Variants in PI15 observed in about 807,000 individuals in gnomAD.
PI15 encodes the protein 25 kDa trypsin inhibitor.
A neutral mutation model predicts 31.0 loss-of-function variants in PI15; 18 were observed. That is an observed-to-expected ratio of 0.58 (90% CI 0.40 to 0.86). The LOEUF is 0.86. Among genes scored for constraint, PI15 ranks in the 40% least tolerant of loss-of-function variants. The pLI is 0.00. For synonymous variants in PI15, 118 were observed against 119.1 expected, an observed-to-expected ratio of 0.99 and a Z score of 0.06; for missense variants, 282 against 328.1, an observed-to-expected ratio of 0.86 and a Z score of 1.09.
At chr8:74,834,856 G>A (rs919779139) in intron 2 of PI15, among the ~76,000 whole-genome samples, 2 of 152,114 alleles carry the variant, frequency 1.3e-5, no homozygotes, top group Non-Finnish European at 2.9e-5. Context: ...GGCAGAGTCA[G>A]TGGGCACATT....
chr8:74,851,103 GT>G lies in PI15; in HGVS notation c.*1851del, dbSNP rs1206208724. On this transcript the variant is annotated 3_prime_UTR_variant, in exon 6 of 6. Coordinates refer to ENST00000260113, the MANE Select transcript of PI15 (RefSeq NM_015886.5). ...CAATTATCCTTATAAATTGAATATG[GT>G]GACCAAATGCTTTGATATCATACTA... The G allele has an allele frequency of 6.6e-6, 1 of 152,496 alleles. No individual in the cohort carries two copies. Among genetic ancestry groups the G allele is most frequent in the Non-Finnish European group, 1.5e-5 (1 of 67,980 alleles). 9.4% of individuals were successfully genotyped at this position (152,496 alleles called of 1,614,324 possible).
intron 2 of PI15, among the ~76,000 whole-genome samples, chr8:74,834,840 T>G (rs1810838260): frequency 6.6e-6 from 1 of 152,134 alleles, no homozygotes; most frequent in Admixed American, 6.5e-5. Flanking sequence ...TCTGTGGAGT[T>G]AACTTGGCAG....
Position 74,845,433 on chromosome 8 carries a change from A to G in PI15, c.577A>G (p.Asn193Asp). The G allele has an allele frequency of 6.2e-7, 1 of 1,614,148 alleles. No individual in the cohort carries two copies. The highest frequency in any genetic ancestry group is 8.5e-7 in the Non-Finnish European group (1 of 1,179,994). The change falls in exon 5 of 6, where the codon AAC becomes GAC. Residue 193 changes from asparagine to aspartate, a missense_variant. By Grantham distance (23) the Asn-to-Asp change is conservative (BLOSUM62 1). Transcript: ENST00000260113. ...AGGATGCGCAATTCATACTTGCCAA[A>G]ACATGAATGTTTGGGGATCTGTGTG... ...RIGCAIHTCQ[N>D]MNVWGSVWRR...
intron 2 of PI15, among the ~76,000 whole-genome samples, chr8:74,833,891 G>C (rs774357668): frequency 1.3e-5 from 2 of 152,220 alleles, no homozygotes; most frequent in Non-Finnish European, 1.5e-5. Context: ...TCTGTGGCCT[G>C]TTAGAAACTG....
Position 74,853,780 on chromosome 8 carries a change from C to T in PI15, c.*4527C>T, listed in dbSNP as rs929188282. The T allele has an allele frequency of 1.3e-5, 2 of 152,044 alleles. No individual in the cohort carries two copies. The highest frequency in any genetic ancestry group is 1.3e-4 in the Admixed American group (2 of 15,254). 9.4% of individuals were successfully genotyped at this position (152,044 alleles called of 1,614,324 possible). On this transcript the variant is annotated 3_prime_UTR_variant, in exon 6 of 6. Coordinates refer to ENST00000260113, the MANE Select transcript of PI15 (RefSeq NM_015886.5). ...AAAAGAGTTAATATATTCTGGCACC[C>T]ACTTTCCTAGTAATGTTTTCCATGA...
chr8:74,847,301 T>A (rs1283442566), intron 5 of PI15, among the ~76,000 whole-genome samples: 1 of 151,834 alleles, frequency 6.6e-6, no homozygotes, highest in Non-Finnish European at 1.5e-5. Context: ...CAAAATTAGC[T>A]TGGTGTGGTG....
At chr8:74,840,660 G>T (rs74691719) in intron 2 of PI15, among the ~76,000 whole-genome samples, 2,277 of 152,294 alleles carry the variant, frequency 0.015, 45 homozygotes, top group African/African-American at 0.052. Flanking sequence ...AGAAAGGCAA[G>T]AAAGAGCATG....
chr8:74,853,987 A>G lies in PI15; in HGVS notation c.*4734A>G, dbSNP rs979563558. The G allele has an allele frequency of 1.3e-5, 2 of 152,022 alleles. No individual in the cohort carries two copies. The highest frequency in any genetic ancestry group is 1.3e-4 in the Admixed American group (2 of 15,256). The allele number at this position is 152,022 out of a possible 1,614,324, so 9.4% of individuals were successfully genotyped here. A position where few individuals can be genotyped will look rare whatever the true frequency, so the allele number is the denominator to read the frequency against. On this transcript the variant is annotated 3_prime_UTR_variant, in exon 6 of 6. Transcript: ENST00000260113. ...TTTATTTTTATTTAGCACAGGTCATAAGAAAAATATATAGAAAAATAATCA... is the reference window on the plus strand; with the variant it reads ...TTTATTTTTATTTAGCACAGGTCATGAGAAAAATATATAGAAAAATAATCA...
In PI15 at chr8:74,831,822, T is replaced by C. The variant is rs996246020; in HGVS notation, c.273+6300T>C. Among the ~76,000 whole-genome samples the C allele has an allele frequency of 2.6e-5, 4 of 151,954 alleles. No individual in the cohort carries two copies. The East Asian group carries it at 7.7e-4, about 29-fold the overall frequency. ...TGTGAGTTAAGGAAAGAGGGATCTGTAGTGGGTATAGGAGGATGTTCTAAG... is the reference window on the plus strand; with the variant it reads ...TGTGAGTTAAGGAAAGAGGGATCTGCAGTGGGTATAGGAGGATGTTCTAAG... On this transcript the variant is annotated intron_variant, in intron 2 of 5. Transcript: ENST00000260113.
At chr8:74,830,091 C>A (rs1810759719) in intron 2 of PI15, among the ~76,000 whole-genome samples, 1 of 151,868 alleles carries the variant, frequency 6.6e-6, no homozygotes, top group Admixed American at 6.6e-5. Flanking sequence ...GTGGTAACTC[C>A]CGAGTAAGCA....
At position 74,828,997 on chromosome 8, in the gene PI15, T is replaced by G. The variant is rs563296100; in HGVS notation, c.273+3475T>G. Reference sequence around the variant, plus strand: ...CTTCTTGTCTACTCTTATCATGTCTTGCTCTCATGAAGTGATTTACAGTTA... The same window carrying G: ...CTTCTTGTCTACTCTTATCATGTCTGGCTCTCATGAAGTGATTTACAGTTA... On this transcript the variant is annotated intron_variant, in intron 2 of 5. Coordinates refer to ENST00000260113, the MANE Select transcript of PI15 (RefSeq NM_015886.5). Among the ~76,000 whole-genome samples, 3 of 152,210 alleles carry G rather than the reference T, an allele frequency of 2.0e-5. No individual in the cohort carries two copies. The South Asian group carries it at 6.2e-4, about 32-fold the overall frequency.
At chr8:74,848,725 A>G (rs1243367280) in intron 5 of PI15, among the ~76,000 whole-genome samples, 7 of 144,856 alleles carry the variant, frequency 4.8e-5, no homozygotes, top group African/African-American at 1.8e-4. Context: ...ATATATATAT[A>G]TATATATAGA....
At chr8:74,836,887 C>T (rs1475629751) in intron 2 of PI15, among the ~76,000 whole-genome samples, 1 of 151,994 alleles carries the variant, frequency 6.6e-6, no homozygotes, top group Non-Finnish European at 1.5e-5. Flanking sequence ...ACTGGAAATT[C>T]CCAGTGAAGA....
intron 2 of PI15, among the ~76,000 whole-genome samples, chr8:74,837,132 T>C (rs1453730210): frequency 1.3e-5 from 2 of 152,178 alleles, no homozygotes; most frequent in East Asian, 1.9e-4. Context: ...GAAAGCATTA[T>C]CTTTCTTCAA....
chr8:74,825,382 A>C lies in PI15; in HGVS notation c.133A>C (p.Lys45Gln). Residue 45 changes from lysine (K) to glutamine (Q), a missense_variant, in exon 2 of 6, where the codon AAA becomes CAA. Physicochemically the swap from Lys to Gln is moderately conservative, Grantham distance 53. Coordinates refer to ENST00000260113, the MANE Select transcript of PI15 (RefSeq NM_015886.5). The part of the protein sequence containing the change: ...NNFTDIEAAL[K>Q]AQLDSADIPK... ...TTTCACTGATATTGAAGCAGCTCTGAAAGCACAATTAGATTCAGCGGATAT... is the reference window on the plus strand; with the variant it reads ...TTTCACTGATATTGAAGCAGCTCTGCAAGCACAATTAGATTCAGCGGATAT... The C allele has an allele frequency of 6.2e-7, 1 of 1,613,592 alleles. No homozygotes were observed. Among genetic ancestry groups the C allele is most frequent in the South Asian group, 1.1e-5 (1 of 91,068 alleles).
intron 3 of PI15, among the ~76,000 whole-genome samples, chr8:74,844,650 T>C (rs1169974745): frequency 6.6e-6 from 1 of 152,100 alleles, no homozygotes; most frequent in Non-Finnish European, 1.5e-5. Context: ...GCAAAGTCGT[T>C]ATCCAACACT....
rs150247849 is a variant in PI15 at position 74,851,947 on chromosome 8, TTAA to T, written c.*2700_*2702del. On this transcript the variant is annotated 3_prime_UTR_variant, in exon 6 of 6. Coordinates refer to ENST00000260113, the MANE Select transcript of PI15 (RefSeq NM_015886.5). ...GTTATTCTAACTCTATTTTTTAAAG[TTAA>T]TAATATAAAGTGGCCATGTAAAATA... 35 of 152,462 alleles carry T rather than the reference TTAA, an allele frequency of 2.3e-4. No individual in the cohort carries two copies. Among genetic ancestry groups the T allele is most frequent in the African/African-American group, 8.4e-4 (35 of 41,558 alleles). 9.4% of individuals were successfully genotyped at this position (152,462 alleles called of 1,614,324 possible).
At chr8:74,826,237 A>T in intron 2 of PI15, 1 of 757,148 alleles carries the variant, frequency 1.3e-6, no homozygotes, top group Non-Finnish European at 1.6e-6. Context: ...AAGTCTTGTT[A>T]AAATTTTTAT....
At chr8:74,831,893 T>C (rs553303243) in intron 2 of PI15, among the ~76,000 whole-genome samples, 2 of 152,188 alleles carry the variant, frequency 1.3e-5, no homozygotes, top group South Asian at 2.1e-4. Context: ...TCATTGAGGC[T>C]TGGATTAGTG....
Sources: gnomAD v4.1 joint callset for allele counts (sites outside exome capture counted in the v4.1 genomes callset) on GRCh38, gnomAD v4.1.1 for gene constraint, MANE v1.5 for transcripts, NCBI Gene and HGNC (gene_info 2026-07-23, HGNC 2026-07-21) for gene names.